ST3GAL2: variants seen among roughly 807,000 people sequenced by gnomAD.
The protein encoded by ST3GAL2 is CMP-N-acetylneuraminate-beta-galactosamide-alpha-2,3-sialyltransferase 2.
ST3GAL2 carries 16 observed loss-of-function variants against 37.5 expected under a neutral mutation model. The observed-to-expected ratio is 0.43, with a 90% CI of 0.29 to 0.65. The LOEUF is 0.65. Among genes scored for constraint, ST3GAL2 ranks in the 30% least tolerant of loss-of-function variants. The pLI is 0.17. For synonymous variants in ST3GAL2, 238 were observed against 202.9 expected, an observed-to-expected ratio of 1.17 and a Z score of -1.47; for missense variants, 383 against 487.8, an observed-to-expected ratio of 0.79 and a Z score of 2.02.
At chr16:70,385,777 C>T (rs572714140) in intron 4 of ST3GAL2, among the ~76,000 whole-genome samples, 33 of 143,398 alleles carry the variant, frequency 2.3e-4, no homozygotes, top group South Asian at 1.8e-3. Context: ...GATCTGAGCT[C>T]ACTGCAACCT....
chr16:70,427,707 A>C (rs548442275), intron 1 of ST3GAL2, among the ~76,000 whole-genome samples: 101 of 152,314 alleles, frequency 6.6e-4, no homozygotes, highest in African/African-American at 2.4e-3. Flanking sequence ...CTGAAATGTA[A>C]GAGTCATATG....
Position 70,377,154 on chromosome 16 carries a change from T to G in ST3GAL2, c.*4535A>C, listed in dbSNP as rs2047354133. ...GGCTGCAGTGAGCTCTGCACCAGTC[T>G]GGGCGACAGGAGACCCTGTCTCTTA... On this transcript the variant is annotated 3_prime_UTR_variant, in exon 7 of 7. Coordinates refer to ENST00000342907, the MANE Select transcript of ST3GAL2 (RefSeq NM_006927.4). The G allele has an allele frequency of 7.5e-6, 1 of 133,270 alleles. No homozygotes were observed. The highest frequency in any genetic ancestry group is 3.0e-5 in the African/African-American group (1 of 33,372). 8.3% of individuals were successfully genotyped at this position (133,270 alleles called of 1,614,324 possible). A position where few individuals can be genotyped will look rare whatever the true frequency, so the allele number is the denominator to read the frequency against.
At chr16:70,406,212 G>T (rs1244540526) in intron 1 of ST3GAL2, among the ~76,000 whole-genome samples, 1 of 152,186 alleles carries the variant, frequency 6.6e-6, no homozygotes, top group East Asian at 1.9e-4. Context: ...GGCAGGCCGA[G>T]GTGGGCAGAT....
intron 2 of ST3GAL2, among the ~76,000 whole-genome samples, chr16:70,397,825 A>C (rs2047527275): frequency 6.6e-6 from 1 of 152,170 alleles, no homozygotes; most frequent in Non-Finnish European, 1.5e-5. Context: ...TTCTTAAAAA[A>C]AAAACAAAAA....
chr16:70,398,956 C>A lies in ST3GAL2; in HGVS notation c.-426G>T. 2.4e-6 allele frequency: 1 copy of A among 420,708 alleles called. No homozygotes were observed. The highest frequency in any genetic ancestry group is 9.7e-5 in the South Asian group (1 of 10,340). 26.1% of individuals were successfully genotyped at this position (420,708 alleles called of 1,614,324 possible). A position where few individuals can be genotyped will look rare whatever the true frequency, so the allele number is the denominator to read the frequency against. ...AGTCGGGGTCCTTGTGGTTCATGAG[C>A]AGACAATGAGGCGGCCCCTCGTTCC... On this transcript the variant is annotated 5_prime_UTR_variant, in exon 2 of 7. Transcript: ENST00000342907.
At chr16:70,419,582 A>T (rs2047699984) in intron 1 of ST3GAL2, among the ~76,000 whole-genome samples, 1 of 152,180 alleles carries the variant, frequency 6.6e-6, no homozygotes, top group Admixed American at 6.5e-5. Flanking sequence ...CCAACACACA[A>T]GACAAGCTAA....
intron 2 of ST3GAL2, 119 bp from the exon 3 acceptor site, chr16:70,395,294 C>T: frequency 2.1e-6 from 2 of 944,352 alleles, no homozygotes; most frequent in Non-Finnish European, 3.1e-6. Context: ...GCCTCTTTAT[C>T]CAGGGCTCTG....
In ST3GAL2 at chr16:70,420,669, A is replaced by G. The variant is rs569180614; in HGVS notation, c.-1004+18280T>C. On this transcript the variant is annotated intron_variant, in intron 1 of 6. Coordinates refer to ENST00000342907, the MANE Select transcript of ST3GAL2 (RefSeq NM_006927.4). ...ACAAACCAGTAACTTGTTCTTTGTG[A>G]GCCAGGCTGTTTTTATTCTTTGCAC... Among the ~76,000 whole-genome samples the G allele has an allele frequency of 1.8e-4, 28 of 152,352 alleles. 1 individual carries two copies. The highest frequency in any genetic ancestry group is 1.7e-3 in the Admixed American group (26 of 15,306).
At chr16:70,428,816 G>C (rs1339631718) in intron 1 of ST3GAL2, among the ~76,000 whole-genome samples, 1 of 152,162 alleles carries the variant, frequency 6.6e-6, no homozygotes, top group Non-Finnish European at 1.5e-5. Context: ...GTGGCTGTGC[G>C]GCTGACCCAG....
In ST3GAL2 at chr16:70,437,130, A is replaced by G. The variant is rs188064058; in HGVS notation, c.-1004+1819T>C. On this transcript the variant is annotated intron_variant, in intron 1 of 6. Transcript: ENST00000342907. ...TGGCTTTATCTGGGATTTGCACTCCAAAAGTTCCCAGGAGCCATCAGCGTG... is the reference window on the plus strand; with the variant it reads ...TGGCTTTATCTGGGATTTGCACTCCGAAAGTTCCCAGGAGCCATCAGCGTG... Among the ~76,000 whole-genome samples, 562 of 152,276 alleles carry G rather than the reference A, an allele frequency of 3.7e-3. 1 individual carries two copies. Among genetic ancestry groups the G allele is most frequent in the Admixed American group, 0.01 (156 of 15,304 alleles).
intron 1 of ST3GAL2, among the ~76,000 whole-genome samples, chr16:70,415,234 CCTGA>C (rs1436368892): frequency 1.3e-5 from 2 of 151,718 alleles, no homozygotes; most frequent in Admixed American, 6.5e-5. Context: ...GTCTCAAACT[CCTGA>C]CTGTTAGGGA....
intron 1 of ST3GAL2, among the ~76,000 whole-genome samples, chr16:70,424,304 G>A (rs2047735937): frequency 6.8e-6 from 1 of 147,934 alleles, no homozygotes; most frequent in African/African-American, 2.5e-5. Flanking sequence ...CAAGTAAGTA[G>A]CTTTATAAGG....
intron 2 of ST3GAL2, 59 bp from the exon 3 acceptor site, chr16:70,395,234 GGGCCCC>G: frequency 1.3e-6 from 2 of 1,524,732 alleles, no homozygotes; most frequent in East Asian, 4.7e-5. Context: ...GAAGAAGGAG[GGGCCCC>G]GGCCTCCCCT....
At position 70,381,851 on chromosome 16, in the gene ST3GAL2, G is replaced by A. The variant is rs1412327720; in HGVS notation, c.891C>T (p.Tyr297=). Residue 297 remains tyrosine, a synonymous_variant, in exon 7 of 7, where the codon TAC becomes TAT. Coordinates refer to ENST00000342907, the MANE Select transcript of ST3GAL2 (RefSeq NM_006927.4). ...TGCCCCGGCTGTCGGCCCCGAACCCGTACACGTTCACCTGCGGGGAAGCGC... is the reference window on the plus strand; with the variant it reads ...TGCCCCGGCTGTCGGCCCCGAACCCATACACGTTCACCTGCGGGGAAGCGC... The part of the protein sequence containing the change: ...ALHVCDEVNV[Y]GFGADSRGNW... 1.2e-6 allele frequency: 2 copies of A among 1,613,746 alleles called. No homozygotes were observed. The highest frequency in any genetic ancestry group is 1.7e-6 in the Non-Finnish European group (2 of 1,179,864).
chr16:70,435,131 T>C (rs1439483128), intron 1 of ST3GAL2, among the ~76,000 whole-genome samples: 2 of 152,088 alleles, frequency 1.3e-5, no homozygotes, highest in African/African-American at 4.8e-5. Flanking sequence ...AAGCCATGGC[T>C]CCTAAATTTC....
At chr16:70,401,509 C>A (rs540760877) in intron 1 of ST3GAL2, among the ~76,000 whole-genome samples, 2 of 152,080 alleles carry the variant, frequency 1.3e-5, no homozygotes, top group Admixed American at 1.3e-4. Flanking sequence ...GCAAATGGAG[C>A]CATGGGGAGG....
intron 1 of ST3GAL2, among the ~76,000 whole-genome samples, chr16:70,421,783 A>G (rs1365615900): frequency 6.6e-6 from 1 of 152,124 alleles, no homozygotes; most frequent in East Asian, 1.9e-4. Flanking sequence ...CCTCAGCCTC[A>G]GCATCCTGAG....
Position 70,383,176 on chromosome 16 carries a change from A to G in ST3GAL2, c.759+14T>C. 6.2e-7 allele frequency: 1 copy of G among 1,612,660 alleles called. No homozygotes were observed. The highest frequency in any genetic ancestry group is 8.5e-7 in the Non-Finnish European group (1 of 1,179,682). Reference sequence around the variant, plus strand: ...ACTGTTTCCACTGAGGTGGGGAAGAAGTGGGGAGCTTACCTTTTCTTTATC... The same window carrying G: ...ACTGTTTCCACTGAGGTGGGGAAGAGGTGGGGAGCTTACCTTTTCTTTATC... On this transcript the variant is annotated intron_variant, in intron 5 of 6. Coordinates refer to ENST00000342907, the MANE Select transcript of ST3GAL2 (RefSeq NM_006927.4).
intron 3 of ST3GAL2, among the ~76,000 whole-genome samples, chr16:70,389,111 G>A (rs2151658956): frequency 7.1e-6 from 1 of 140,324 alleles, no homozygotes; most frequent in East Asian, 2.2e-4. Flanking sequence ...CGGGCGCGGT[G>A]GCTCACACCT....
Sources: allele counts gnomAD v4.1 joint callset (sites outside exome capture counted in the v4.1 genomes callset), GRCh38; gene constraint gnomAD v4.1.1; transcripts MANE v1.5; gene names NCBI Gene and HGNC (gene_info 2026-07-23, HGNC 2026-07-21).